NFIB: variants seen among roughly 807,000 people sequenced by gnomAD.
NFIB encodes nuclear factor 1 B-type.
NFIB carries 11 observed loss-of-function variants against 61.5 expected under a neutral mutation model. That is an observed-to-expected ratio of 0.18 (90% CI 0.11 to 0.30). The LOEUF (loss-of-function observed/expected upper bound fraction) is 0.30, where lower values mean the gene tolerates loss of function less well. Among genes scored for constraint, NFIB ranks in the 10% least tolerant of loss-of-function variants. The pLI is 1.00. For synonymous variants in NFIB, 260 were observed against 216.5 expected, an observed-to-expected ratio of 1.20 and a Z score of -1.76; for missense variants, 471 against 608.9, an observed-to-expected ratio of 0.77 and a Z score of 2.38.
At chr9:14,207,570 G>C (rs1303693138) in intron 2 of NFIB, among the ~76,000 whole-genome samples, 5 of 152,198 alleles carry the variant, frequency 3.3e-5, no homozygotes, top group African/African-American at 1.2e-4. Context: ...GCAGCTCCGT[G>C]CAGGGACTGC....
intron 2 of NFIB, among the ~76,000 whole-genome samples, chr9:14,224,690 C>A (rs1044646458): frequency 3.9e-5 from 6 of 152,150 alleles, no homozygotes; most frequent in Non-Finnish European, 5.9e-5. Flanking sequence ...AAATACTATG[C>A]CATTTTATAC....
At chr9:14,308,367 C>T (rs557086054) in intron 1 of NFIB, among the ~76,000 whole-genome samples, 21 of 152,326 alleles carry the variant, frequency 1.4e-4, no homozygotes, top group Admixed American at 9.2e-4. Flanking sequence ...CTTTCTCACA[C>T]ACACTCTTGC....
chr9:14,231,127 AAAAAAAAAAT>A (rs2053096771), intron 2 of NFIB, among the ~76,000 whole-genome samples: 1 of 77,276 alleles, frequency 1.3e-5, no homozygotes, highest in South Asian at 5.8e-4. Flanking sequence ...GGGGAAAAAA[AAAAAAAAAAT>A]ATATATATAT....
intron 3 of NFIB, among the ~76,000 whole-genome samples, chr9:14,156,418 G>C (rs1254300954): frequency 2.0e-5 from 3 of 152,222 alleles, no homozygotes; most frequent in Admixed American, 2.0e-4. Context: ...AGCAGAACTT[G>C]TATATACAGC....
chr9:14,187,855 C>T (rs1040834949), intron 2 of NFIB, among the ~76,000 whole-genome samples: 1 of 152,028 alleles, frequency 6.6e-6, no homozygotes, highest in Non-Finnish European at 1.5e-5. Flanking sequence ...TAATGAATCC[C>T]CTGCAAATAT....
intron 10 of NFIB, among the ~76,000 whole-genome samples, chr9:14,112,692 A>C (rs370878900): frequency 2.0e-5 from 3 of 152,190 alleles, no homozygotes; most frequent in Non-Finnish European, 4.4e-5. Context: ...TTTGAAAGCT[A>C]TAGTCTGTAA....
intron 2 of NFIB, among the ~76,000 whole-genome samples, chr9:14,231,766 T>C (rs942624530): frequency 6.6e-6 from 1 of 152,172 alleles, no homozygotes; most frequent in Non-Finnish European, 1.5e-5. Flanking sequence ...CTGCATAACA[T>C]GTCAAGCTAA....
intron 2 of NFIB, among the ~76,000 whole-genome samples, chr9:14,253,126 T>C (rs547120792): frequency 6.6e-6 from 1 of 152,322 alleles, no homozygotes; most frequent in Admixed American, 6.5e-5. Flanking sequence ...TGTTATCATG[T>C]TTTTCAATCA....
intron 1 of NFIB, among the ~76,000 whole-genome samples, chr9:14,310,964 T>A (rs1167036545): frequency 1.4e-4 from 22 of 152,058 alleles, no homozygotes; most frequent in Non-Finnish European, 4.4e-5. Context: ...ATGCAAAAAA[T>A]GTACCTAAAG....
intron 3 of NFIB, among the ~76,000 whole-genome samples, chr9:14,171,830 A>G (rs1437597862): frequency 6.6e-6 from 1 of 152,246 alleles, no homozygotes; most frequent in Non-Finnish European, 1.5e-5. Flanking sequence ...GGTCTAAATC[A>G]TTAGGAGAGA....
the NFIB span, among the ~76,000 whole-genome samples, chr9:14,526,376 A>ATT: frequency 6.6e-6 from 1 of 152,190 alleles, no homozygotes; most frequent in Non-Finnish European, 1.5e-5. Flanking sequence ...CATAACGAAC[A>ATT]TTTCCTGAGT....
At chr9:14,315,757 C>T (rs1176512579), upstream of NFIB, among the ~76,000 whole-genome samples, 2 of 151,910 alleles carry the variant, frequency 1.3e-5, no homozygotes, top group Non-Finnish European at 1.5e-5. Flanking sequence ...ATACACACAC[C>T]GCCCCCCAAA....
chr9:14,487,831 T>C, the NFIB span, among the ~76,000 whole-genome samples: 1 of 152,130 alleles, frequency 6.6e-6, no homozygotes, highest in Non-Finnish European at 1.5e-5. Flanking sequence ...TCCTCAGCTA[T>C]GTCAGTACAT....
intron 1 of NFIB, among the ~76,000 whole-genome samples, chr9:14,353,785 A>G (rs1416096622): frequency 1.3e-5 from 2 of 151,824 alleles, no homozygotes; most frequent in Non-Finnish European, 2.9e-5. Flanking sequence ...TTGAAGTTGA[A>G]ATAGCCGTTG....
the NFIB span, among the ~76,000 whole-genome samples, chr9:14,526,231 G>C: frequency 2.0e-5 from 3 of 152,118 alleles, no homozygotes; most frequent in African/African-American, 4.8e-5. Flanking sequence ...CATATTTTTA[G>C]GGAGGTGCTG....
intron 2 of NFIB, among the ~76,000 whole-genome samples, chr9:14,281,927 A>C (rs1017937851): frequency 1.3e-5 from 2 of 152,184 alleles, no homozygotes; most frequent in Non-Finnish European, 2.9e-5. Context: ...AGGAACAAAA[A>C]ATGGATGCTG....
chr9:14,507,392 T>C, the NFIB span, among the ~76,000 whole-genome samples: 9 of 152,282 alleles, frequency 5.9e-5, no homozygotes, highest in African/African-American at 1.9e-4. Flanking sequence ...TTGATTATTT[T>C]GAAACCTTTT....
intron 2 of NFIB, among the ~76,000 whole-genome samples, chr9:14,253,628 A>G (rs2055894893): frequency 2.6e-5 from 4 of 152,120 alleles, no homozygotes; most frequent in African/African-American, 9.7e-5. Context: ...CTCAGGAGTT[A>G]GGGACCACTC....
At chr9:14,295,399 G>A (rs2059368937) in intron 2 of NFIB, among the ~76,000 whole-genome samples, 2 of 152,102 alleles carry the variant, frequency 1.3e-5, no homozygotes, top group African/African-American at 2.4e-5. Context: ...GCCCAAGGCG[G>A]GCAGATCACG....
Sources: allele counts gnomAD v4.1 joint callset (sites outside exome capture counted in the v4.1 genomes callset), GRCh38; gene constraint gnomAD v4.1.1; transcripts MANE v1.5; gene names NCBI Gene and HGNC (gene_info 2026-07-23, HGNC 2026-07-21).